The following MLXIP variants were observed in gnomAD, a reference collection of about 807,000 sequenced individuals.
MLXIP encodes MLX interacting protein, also known as MLX-interacting protein.
In MLXIP, 30 loss-of-function variants were observed where a neutral mutation model predicts 87.2. That is an observed-to-expected ratio of 0.34 (90% CI 0.26 to 0.47). The LOEUF (loss-of-function observed/expected upper bound fraction) is 0.47, where lower values mean the gene tolerates loss of function less well. MLXIP is among the 20% of genes least tolerant of loss of function. The probability of loss-of-function intolerance (pLI) is 1.00; values close to 1 mark genes in which losing one functional copy is unlikely to be tolerated. For missense variants in MLXIP, 1,002 were observed against 1,240.1 expected, an observed-to-expected ratio of 0.81 and a Z score of 2.88; for synonymous variants, 530 against 514.0, an observed-to-expected ratio of 1.03 and a Z score of -0.42.
intron 1 of MLXIP, among the ~76,000 whole-genome samples, chr12:122,097,303 C>T (rs1483195582): frequency 6.6e-6 from 1 of 152,130 alleles, no homozygotes; most frequent in Non-Finnish European, 1.5e-5. Flanking sequence ...CAGGTGTGAG[C>T]CACTGCACCC....
chr12:122,134,191 T>G (rs1953039384), intron 9 of MLXIP: 5 of 678,182 alleles, frequency 7.4e-6, no homozygotes, highest in Non-Finnish European at 1.1e-5. Flanking sequence ...CTATCTTTTT[T>G]GTTTTTTTGT....
intron 3 of MLXIP, chr12:122,128,240 T>C (rs1303320065): frequency 2.5e-6 from 1 of 394,300 alleles, no homozygotes; most frequent in Non-Finnish European, 4.8e-6. Context: ...TATGTGTGAT[T>C]ATACATGCAC....
At chr12:122,092,765 G>A (rs1048560290) in intron 1 of MLXIP, among the ~76,000 whole-genome samples, 8 of 152,148 alleles carry the variant, frequency 5.3e-5, no homozygotes, top group African/African-American at 1.4e-4. Flanking sequence ...CTCTATAAAC[G>A]GTTGATTTGG....
intron 1 of MLXIP, among the ~76,000 whole-genome samples, chr12:122,126,098 T>G (rs1952877441): frequency 6.6e-6 from 1 of 152,178 alleles, no homozygotes; most frequent in Non-Finnish European, 1.5e-5. Flanking sequence ...CTTGCCCATC[T>G]CAAGCCATCT....
At chr12:122,111,937 C>T (rs548123512) in intron 1 of MLXIP, among the ~76,000 whole-genome samples, 13 of 152,302 alleles carry the variant, frequency 8.5e-5, no homozygotes, top group Admixed American at 6.5e-4. Flanking sequence ...TCCCAATCAA[C>T]ATATTAAAAT....
rs148845729 is a variant in MLXIP at position 122,123,596 on chromosome 12, G to A, written c.414-3660G>A. On this transcript the variant is annotated intron_variant, in intron 1 of 16. Coordinates refer to ENST00000319080, the MANE Select transcript of MLXIP (RefSeq NM_014938.6). ...AGGCTAAATTTCCCTGCGTCTTGCC[G>A]CTCCCCTCATTGTGTGTGATTAAAG... 8.8e-3 allele frequency among the ~76,000 whole-genome samples: 1,340 copies of A among 152,276 alleles called. 19 individuals carry two copies. The highest frequency in any genetic ancestry group is 0.019 in the African/African-American group (776 of 41,554).
At chr12:122,097,030 C>G (rs1435411449) in intron 1 of MLXIP, among the ~76,000 whole-genome samples, 1 of 152,184 alleles carries the variant, frequency 6.6e-6, no homozygotes, top group Non-Finnish European at 1.5e-5. Context: ...CCGGAGATGC[C>G]GCTGTCTGGC....
intron 1 of MLXIP, among the ~76,000 whole-genome samples, chr12:122,097,853 C>G (rs529521907): frequency 2.6e-5 from 4 of 151,824 alleles, no homozygotes; most frequent in African/African-American, 9.7e-5. Context: ...GGTTCCCCCT[C>G]CCCACAAGAA....
chr12:122,121,010 G>GTTTTTTTTTTTGTTTTTTTTTTT (rs1952772221), intron 1 of MLXIP, among the ~76,000 whole-genome samples: 1 of 111,910 alleles, frequency 8.9e-6, no homozygotes, highest in Admixed American at 1.0e-4. Context: ...TGCATGCTTG[G>GTTTTTTTTTTTGTTTTTTTTTTT]TTTTTTTTTT....
At chr12:122,084,681 G>A (rs1952140671) in intron 1 of MLXIP, among the ~76,000 whole-genome samples, 1 of 152,066 alleles carries the variant, frequency 6.6e-6, no homozygotes, top group Non-Finnish European at 1.5e-5. Flanking sequence ...CAAGTAGCTG[G>A]GATTACAGGT....
chr12:122,110,156 C>A (rs1444999503), intron 1 of MLXIP, among the ~76,000 whole-genome samples: 1 of 152,066 alleles, frequency 6.6e-6, no homozygotes, highest in African/African-American at 2.4e-5. Flanking sequence ...CTATTTAAAG[C>A]CTATTTAGGT....
At chr12:122,128,017 C>A in intron 3 of MLXIP, 49 bp downstream of exon 3, 1 of 1,527,160 alleles carries the variant, frequency 6.5e-7, no homozygotes, top group Non-Finnish European at 9.0e-7. Context: ...ATACCAGCAC[C>A]TCACCGGGAG....
At chr12:122,136,472 A>C (rs1207490704) in intron 11 of MLXIP, 3 of 151,390 alleles carry the variant, frequency 2.0e-5, no homozygotes, top group Non-Finnish European at 4.4e-5. Context: ...AAAAAAAAAA[A>C]AAAAAAAAAA....
Position 122,079,281 on chromosome 12 carries a change from G to A in MLXIP, c.413+15G>A, listed in dbSNP as rs1469079880. The A allele has an allele frequency of 3.5e-5, 54 of 1,546,218 alleles. No homozygotes were observed. The highest frequency in any genetic ancestry group is 1.7e-4 in the Middle Eastern group (1 of 5,986). On this transcript the variant is annotated intron_variant, in intron 1 of 16. Transcript: ENST00000319080. ...TTGGCCTACAGGTAGGGACCCCCGC[G>A]ACCCCCTGAGGCCCCGGCCGGAGGC...
At position 122,142,434 on chromosome 12, in the gene MLXIP, G is replaced by A. The variant is rs1333338114; in HGVS notation, c.*622G>A. ...CTCCAGGACACATGTGTGCAGAAAC[G>A]GTGGATGTGGAACACACAGGACCAG... On this transcript the variant is annotated 3_prime_UTR_variant, in exon 17 of 17. Coordinates refer to ENST00000319080, the MANE Select transcript of MLXIP (RefSeq NM_014938.6). 5 of 416,536 alleles carry A rather than the reference G, an allele frequency of 1.2e-5. No individual in the cohort carries two copies. Among genetic ancestry groups the A allele is most frequent in the South Asian group, 5.6e-5 (3 of 53,718 alleles). The allele number at this position is 416,536 out of a possible 1,614,324, so 25.8% of individuals were successfully genotyped here.
At position 122,141,901 on chromosome 12, in the gene MLXIP, G is replaced by T. The variant is rs994614469; in HGVS notation, c.*89G>T. The T allele has an allele frequency of 5.8e-6, 9 of 1,553,468 alleles. No individual in the cohort carries two copies. Among genetic ancestry groups the T allele is most frequent in the Non-Finnish European group, 7.0e-6 (8 of 1,150,376 alleles). ...GCTGCGCCCCCCAGCCCTTCCTGAC[G>T]CTCAGCCTCGGGGCCTCTCTCCAAC... is the stretch of plus-strand genomic sequence containing the variant. On this transcript the variant is annotated 3_prime_UTR_variant, in exon 17 of 17. Transcript: ENST00000319080.
intron 1 of MLXIP, among the ~76,000 whole-genome samples, chr12:122,097,584 G>A (rs541948706): frequency 1.2e-3 from 184 of 150,264 alleles, no homozygotes; most frequent in African/African-American, 4.1e-3. Flanking sequence ...CTGCACTCCC[G>A]CCTGGGTGAC....
rs1405814280 is a variant in MLXIP, at chr12:122,133,710, C to G, written c.1455C>G (p.Thr485=). The change falls in exon 9 of 17, where the codon ACC becomes ACG. Residue 485 remains threonine, a synonymous_variant. Transcript: ENST00000319080. This position sits in a 1 kb window ranked among gnomAD's most constrained non-coding sequence, Gnocchi z 4.9. ...AGVNKAPSVI[T]HTASATLTHD... ...TCAACAAAGCGCCGTCTGTCATCAC[C>G]CACACGGCCTCTGCCACCCTCACCC... is the stretch of plus-strand genomic sequence containing the variant. 1 of 1,613,588 alleles carries G rather than the reference C, an allele frequency of 6.2e-7. No individual in the cohort carries two copies. The highest frequency in any genetic ancestry group is 8.5e-7 in the Non-Finnish European group (1 of 1,179,850).
At chr12:122,082,381 T>G (rs749466801) in intron 1 of MLXIP, among the ~76,000 whole-genome samples, 27 of 152,194 alleles carry the variant, frequency 1.8e-4, no homozygotes, top group Non-Finnish European at 2.4e-4. Flanking sequence ...TTATTTTTCC[T>G]TAGACTTATC....
Sources: allele counts gnomAD v4.1 joint callset (sites outside exome capture counted in the v4.1 genomes callset), GRCh38; gene constraint gnomAD v4.1.1; non-coding constraint Gnocchi (gnomAD v3.1); transcripts MANE v1.5; gene names NCBI Gene and HGNC (gene_info 2026-07-23, HGNC 2026-07-21).